The following ARRB1 variants were observed in gnomAD, a reference collection of about 807,000 sequenced individuals.
The protein encoded by ARRB1 is arrestin beta 1, also known as beta-arrestin-1.
A neutral mutation model predicts 56.8 loss-of-function variants in ARRB1; 21 were observed. The ratio of observed to expected loss-of-function variants is 0.37; its 90% confidence interval spans 0.26 to 0.53. The LOEUF (loss-of-function observed/expected upper bound fraction) is 0.53, where lower values mean the gene tolerates loss of function less well. ARRB1 is among the 20% of genes least tolerant of loss of function. The probability of loss-of-function intolerance (pLI) is 0.88; values close to 1 mark genes in which losing one functional copy is unlikely to be tolerated. For synonymous variants in ARRB1, 210 were observed against 218.6 expected, an observed-to-expected ratio of 0.96 and a Z score of 0.35; for missense variants, 424 against 553.7, an observed-to-expected ratio of 0.77 and a Z score of 2.35.
Position 75,283,344 on chromosome 11 carries a change from C to T in ARRB1, c.297G>A (p.Arg99=), listed in dbSNP as rs756904377. The change falls in exon 5 of 16, where the codon CGG becomes CGA. Residue 99 remains arginine, a synonymous_variant. Coordinates refer to ENST00000420843, the MANE Select transcript of ARRB1 (RefSeq NM_004041.5). The part of the protein sequence containing the change: ...PAPEDKKPLT[R]LQERLIKKLG... ...GCTTCTTGATGAGGCGTTCCTGCAGCCGCGTCAGGGGCTTCTTGTCCTCGG... is the reference window on the plus strand; with the variant it reads ...GCTTCTTGATGAGGCGTTCCTGCAGTCGCGTCAGGGGCTTCTTGTCCTCGG... The T allele has an allele frequency of 1.9e-6, 3 of 1,613,984 alleles. No homozygotes were observed. The highest frequency in any genetic ancestry group is 2.5e-6 in the Non-Finnish European group (3 of 1,179,912).
At chr11:75,340,874 C>A (rs1034123813) in intron 1 of ARRB1, among the ~76,000 whole-genome samples, 1 of 152,134 alleles carries the variant, frequency 6.6e-6, no homozygotes, top group Non-Finnish European at 1.5e-5. Context: ...GAGAATCTGC[C>A]GTGGGTGAGG....
At chr11:75,311,054 G>A (rs1276805522) in intron 1 of ARRB1, among the ~76,000 whole-genome samples, 3 of 152,320 alleles carry the variant, frequency 2.0e-5, no homozygotes, top group East Asian at 3.9e-4. Context: ...AGAGACCACA[G>A]GGCCAGGCGC....
At chr11:75,296,440 A>T (rs1946752854) in intron 1 of ARRB1, among the ~76,000 whole-genome samples, 2 of 152,064 alleles carry the variant, frequency 1.3e-5, no homozygotes, top group African/African-American at 4.8e-5. Flanking sequence ...CTCTCCATGA[A>T]CCAGAATGTC....
Position 75,276,867 on chromosome 11 carries a change from T to C in ARRB1, c.748A>G (p.Lys250Glu). The C allele has an allele frequency of 6.2e-7, 1 of 1,614,112 alleles. No homozygotes were observed. Among genetic ancestry groups the C allele is most frequent in the Non-Finnish European group, 8.5e-7 (1 of 1,179,968 alleles). The change falls in exon 10 of 16, where the codon AAG becomes GAG. Residue 250 changes from lysine to glutamate, a missense_variant. Transcript: ENST00000420843. ...GCCTCTTCCATGGCAACAGGGCACT[T>C]GTACTGAGCTGTGTTGAAAAGGCAG... ...DICLFNTAQY[K>E]CPVAMEEADD...
Position 75,338,604 on chromosome 11 carries a change from C to G in ARRB1, c.20+12984G>C, listed in dbSNP as rs550387228. Among the ~76,000 whole-genome samples, 3 of 152,280 alleles carry G rather than the reference C, an allele frequency of 2.0e-5. No individual in the cohort carries two copies. The South Asian group carries it at 6.2e-4, about 32-fold the overall frequency. ...CAGGTCATGGTTCTTTGAAAGTTCT[C>G]CCTACTACAAAGTTTACTCTGCAAA... is the stretch of plus-strand genomic sequence containing the variant. On this transcript the variant is annotated intron_variant, in intron 1 of 15. Coordinates refer to ENST00000420843, the MANE Select transcript of ARRB1 (RefSeq NM_004041.5).
chr11:75,331,301 A>T (rs1311153180), intron 1 of ARRB1, among the ~76,000 whole-genome samples: 1 of 151,448 alleles, frequency 6.6e-6, no homozygotes, highest in African/African-American at 2.4e-5. Context: ...GTGACCCACC[A>T]TGCCTGGCCA....
intron 1 of ARRB1, among the ~76,000 whole-genome samples, chr11:75,350,370 G>A (rs544057535): frequency 1.3e-5 from 2 of 152,320 alleles, no homozygotes; most frequent in East Asian, 1.9e-4. Flanking sequence ...GAGGGGAGGG[G>A]AGGAAAGGAA....
chr11:75,267,611 G>GCCCCCCCCC, intron 15 of ARRB1, 41 bp downstream of exon 15: 1 of 865,704 alleles, frequency 1.2e-6, no homozygotes, highest in Non-Finnish European at 1.8e-6. Context: ...CCGCCCACCC[G>GCCCCCCCCC]CGGCCCACCC....
chr11:75,280,941 T>TG lies in ARRB1; in HGVS notation c.482+133dup, dbSNP rs561874917. The stretch of plus-strand genomic sequence containing the variant: ...CTCCGTGACCTCCCAGCTTCCAGAG[T>TG]GCCCTTCCAAGGCTGGAATGTGCGC... On this transcript the variant is annotated intron_variant, in intron 7 of 15. Transcript: ENST00000420843. 4.5e-3 allele frequency: 4,711 copies of TG among 1,043,104 alleles called. 23 individuals carry two copies. The highest frequency in any genetic ancestry group is 5.4e-3 in the Non-Finnish European group (3,861 of 709,840). The allele number at this position is 1,043,104 out of a possible 1,614,324, so 64.6% of individuals were successfully genotyped here.
At chr11:75,285,514 AT>A (rs1288541901) in intron 3 of ARRB1, among the ~76,000 whole-genome samples, 2 of 152,174 alleles carry the variant, frequency 1.3e-5, no homozygotes, top group African/African-American at 4.8e-5. Context: ...GCCAGGATGG[AT>A]CATCAATGTC....
intron 1 of ARRB1, among the ~76,000 whole-genome samples, chr11:75,309,671 A>T (rs905128812): frequency 6.6e-6 from 1 of 152,112 alleles, no homozygotes; most frequent in Non-Finnish European, 1.5e-5. Flanking sequence ...AATAATGGGT[A>T]TATGAGGAGT....
chr11:75,286,403 G>A (rs931252449), intron 3 of ARRB1, among the ~76,000 whole-genome samples: 1 of 151,428 alleles, frequency 6.6e-6, no homozygotes, highest in Admixed American at 6.6e-5. Context: ...CAGTAGCAGG[G>A]AATACAGGTG....
At chr11:75,329,212 C>A (rs1259085547) in intron 1 of ARRB1, among the ~76,000 whole-genome samples, 1 of 151,906 alleles carries the variant, frequency 6.6e-6, no homozygotes, top group South Asian at 2.1e-4. Context: ...CTGATCCTCC[C>A]ACCTCAGCCG....
chr11:75,284,117 G>C, intron 4 of ARRB1, 118 bp downstream of exon 4: 1 of 1,053,532 alleles, frequency 9.5e-7, no homozygotes, highest in South Asian at 1.8e-5. Flanking sequence ...CATCTGTAGA[G>C]GTATTTGTTG....
At chr11:75,299,634 T>C (rs1946849195) in intron 1 of ARRB1, among the ~76,000 whole-genome samples, 1 of 152,170 alleles carries the variant, frequency 6.6e-6, no homozygotes, top group African/African-American at 2.4e-5. Context: ...CTTCCCTGAC[T>C]ACCCTCTAAG....
chr11:75,294,174 G>A (rs1210434143), intron 1 of ARRB1, among the ~76,000 whole-genome samples: 2 of 152,120 alleles, frequency 1.3e-5, no homozygotes, highest in Admixed American at 6.6e-5. Context: ...TGTAGTCAAG[G>A]AGGCCCGGGC....
intron 1 of ARRB1, among the ~76,000 whole-genome samples, chr11:75,315,535 A>G (rs1442590557): frequency 6.6e-6 from 1 of 152,184 alleles, no homozygotes; most frequent in African/African-American, 2.4e-5. Flanking sequence ...GGTCCCAGGC[A>G]GCTTCCCGCT....
At position 75,306,239 on chromosome 11, in the gene ARRB1, C is replaced by G. The variant is rs572060210; in HGVS notation, c.21-16200G>C. ...AAAGGAGTTCCCTGGGCAACTCCAC[C>G]CACCTGACCACTTCAGCTGCCACCG... is the stretch of plus-strand genomic sequence containing the variant. On this transcript the variant is annotated intron_variant, in intron 1 of 15. Coordinates refer to ENST00000420843, the MANE Select transcript of ARRB1 (RefSeq NM_004041.5). Among the ~76,000 whole-genome samples, 31 of 152,248 alleles carry G rather than the reference C, an allele frequency of 2.0e-4. No homozygotes were observed. In the South Asian group the frequency reaches 6.0e-3, roughly 30 times the overall value.
intron 3 of ARRB1, among the ~76,000 whole-genome samples, chr11:75,284,724 T>G (rs889977222): frequency 1.3e-5 from 2 of 151,966 alleles, no homozygotes; most frequent in African/African-American, 2.4e-5. Flanking sequence ...GCCAACATGG[T>G]GAAACATCAA....
Sources: allele counts gnomAD v4.1 joint callset (sites outside exome capture counted in the v4.1 genomes callset), GRCh38; gene constraint gnomAD v4.1.1; transcripts MANE v1.5; gene names NCBI Gene and HGNC (gene_info 2026-07-23, HGNC 2026-07-21).